Variants in TIAM1 observed in about 807,000 individuals in gnomAD.
The protein encoded by TIAM1 is TIAM Rac1 associated GEF 1, also known as rho guanine nucleotide exchange factor TIAM1.
TIAM1 carries 65 observed loss-of-function variants against 163.5 expected under a neutral mutation model. The observed-to-expected ratio is 0.40, with a 90% CI of 0.33 to 0.49. The LOEUF (loss-of-function observed/expected upper bound fraction) is 0.49. Among genes scored for constraint, TIAM1 ranks in the 20% least tolerant of loss-of-function variants. TIAM1 has a pLI of 0.77. For synonymous variants in TIAM1, 833 were observed against 810.1 expected (o/e 1.03, Z -0.48); for missense variants, 1,789 against 2,044.7 (o/e 0.87, Z 2.41).
rs141777080 is a variant in TIAM1, at chr21:31,535,045, G to A, written c.-422+23882C>T. On this transcript the variant is annotated intron_variant, in intron 1 of 28. Coordinates refer to the TIAM1 transcript ENST00000286827. The stretch of plus-strand genomic sequence containing the variant: ...GTCAAAGCTGCAGTGAGCCATGACT[G>A]TGCCACTGCACTCCAGCCTGGGTGA... Among the ~76,000 whole-genome samples, 93 of 151,546 alleles carry A rather than the reference G, an allele frequency of 6.1e-4. 1 individual carries two copies. Among genetic ancestry groups the A allele is most frequent in the African/African-American group, 2.0e-3 (83 of 41,284 alleles).
intron 1 of TIAM1, among the ~76,000 whole-genome samples, chr21:31,507,399 G>A (rs1453789942): frequency 6.6e-6 from 1 of 150,996 alleles, no homozygotes; most frequent in Non-Finnish European, 1.5e-5. Context: ...TAGAGATGGG[G>A]TTTCACCATG....
intron 2 of TIAM1, among the ~76,000 whole-genome samples, chr21:31,390,260 G>T (rs1050274600): frequency 6.6e-6 from 1 of 152,120 alleles, no homozygotes; most frequent in African/African-American, 2.4e-5. Flanking sequence ...AGAACCTCAG[G>T]ACTCCAACTT....
At chr21:31,356,948 T>A (rs1336937716) in intron 2 of TIAM1, among the ~76,000 whole-genome samples, 2 of 152,222 alleles carry the variant, frequency 1.3e-5, no homozygotes, top group African/African-American at 2.4e-5. Context: ...CAAGAGCCCA[T>A]CTTTAAAAAA....
chr21:31,128,007 A>T (rs1454292388), intron 25 of TIAM1, among the ~76,000 whole-genome samples: 2 of 152,198 alleles, frequency 1.3e-5, no homozygotes, highest in African/African-American at 2.4e-5. Flanking sequence ...GGACAATTTT[A>T]AAATAATTTT....
Position 31,256,676 on chromosome 21 carries a change from T to TA in TIAM1, c.964-4488dup, listed in dbSNP as rs2072128769. Among the ~76,000 whole-genome samples, 4 of 151,384 alleles carry TA rather than the reference T, an allele frequency of 2.6e-5. No homozygotes were observed. In the South Asian group the frequency reaches 8.4e-4, roughly 32 times the overall value. On this transcript the variant is annotated intron_variant, in intron 4 of 27. Coordinates refer to ENST00000541036, the MANE Select transcript of TIAM1 (RefSeq NM_001353694.2). Reference sequence around the variant, plus strand: ...TATTATCTCCTTGGTATTCTCAGTATACTCTCCTTTGATAATCTCAGTACA... The same window carrying TA: ...TATTATCTCCTTGGTATTCTCAGTATAACTCTCCTTTGATAATCTCAGTACA...
Position 31,156,407 on chromosome 21 carries a change from T to C in TIAM1, c.2992-1981A>G, listed in dbSNP as rs532745698. 2.3e-3 allele frequency among the ~76,000 whole-genome samples: 344 copies of C among 152,268 alleles called. 1 individual carries two copies. In the Middle Eastern group the frequency reaches 0.024, roughly 11 times the overall value. On this transcript the variant is annotated intron_variant, in intron 16 of 27. Transcript: ENST00000541036. ...ACCCCACAAACAATTTTCCCTTAGG[T>C]GACTGACTGGAAAAATTGACCAAAA...
chr21:31,481,527 G>A (rs997966545), intron 1 of TIAM1, among the ~76,000 whole-genome samples: 6 of 152,140 alleles, frequency 3.9e-5, no homozygotes, highest in Non-Finnish European at 5.9e-5. Context: ...GCTACAGATG[G>A]AGGGCCCACA....
chr21:31,319,935 C>G (rs1384936417), intron 2 of TIAM1, among the ~76,000 whole-genome samples: 1 of 152,072 alleles, frequency 6.6e-6, no homozygotes, highest in Non-Finnish European at 1.5e-5. Context: ...AAGTGTCTAT[C>G]CAAGTCCTAT....
intron 3 of TIAM1, among the ~76,000 whole-genome samples, 155 bp downstream of exon 3, chr21:31,276,577 T>C (rs772636724): frequency 6.6e-6 from 1 of 152,244 alleles, no homozygotes; most frequent in East Asian, 1.9e-4. Flanking sequence ...AATTGTCAGA[T>C]AGGTGTAACC....
intron 1 of TIAM1, among the ~76,000 whole-genome samples, chr21:31,550,515 T>A (rs987191314): frequency 5.3e-5 from 8 of 152,140 alleles, no homozygotes; most frequent in Admixed American, 1.3e-4. Flanking sequence ...TGTGAATGGG[T>A]ACAGGGTTTC....
chr21:31,222,703 A>C (rs1328333556), intron 8 of TIAM1, among the ~76,000 whole-genome samples: 2 of 43,282 alleles, frequency 4.6e-5, no homozygotes, highest in Non-Finnish European at 7.3e-5. Flanking sequence ...ATATATATAT[A>C]TATATTTTTT....
chr21:31,557,497 G>A (rs148193733), intron 1 of TIAM1, among the ~76,000 whole-genome samples: 10 of 152,318 alleles, frequency 6.6e-5, no homozygotes, highest in African/African-American at 2.4e-4. Context: ...GACACAGGAA[G>A]ATAGAATAGC....
intron 2 of TIAM1, among the ~76,000 whole-genome samples, chr21:31,446,823 A>G (rs2044643080): frequency 6.6e-6 from 1 of 152,252 alleles, no homozygotes; most frequent in Non-Finnish European, 1.5e-5. Flanking sequence ...TGCTAAGCAC[A>G]GAAAAGTTGC....
At chr21:31,496,777 C>T (rs993639602) in intron 1 of TIAM1, among the ~76,000 whole-genome samples, 1 of 152,016 alleles carries the variant, frequency 6.6e-6, no homozygotes, top group African/African-American at 2.4e-5. Flanking sequence ...GCACCCTATA[C>T]GGGTGTAGCA....
chr21:31,166,712 C>T (rs1281307662), intron 15 of TIAM1, among the ~76,000 whole-genome samples: 1 of 152,356 alleles, frequency 6.6e-6, no homozygotes, highest in South Asian at 2.1e-4. Context: ...GTTAACTTGG[C>T]AGATATCATC....
In TIAM1 at chr21:31,266,839, C is replaced by G; in HGVS notation, c.134G>C (p.Gly45Ala). Residue 45 changes from glycine (G) to alanine (A), a missense_variant, in exon 4 of 28, where the codon GGG becomes GCG. Physicochemically the swap from Gly to Ala is moderately conservative, Grantham distance 60 (BLOSUM62 0). Coordinates refer to ENST00000541036, the MANE Select transcript of TIAM1 (RefSeq NM_001353694.2). ...KTRRTRHASS[G>A]KVIHRNSEVS... ...TTCGGAGTTCCTGTGGATCACCTTCCCCGAGGAAGCGTGCCTGGTCCTCCG... is the reference window on the plus strand; with the variant it reads ...TTCGGAGTTCCTGTGGATCACCTTCGCCGAGGAAGCGTGCCTGGTCCTCCG... 6.2e-7 allele frequency: 1 copy of G among 1,614,162 alleles called. No individual in the cohort carries two copies. Among genetic ancestry groups the G allele is most frequent in the South Asian group, 1.1e-5 (1 of 91,088 alleles).
At chr21:31,228,246 A>ATAATCTGATAAGGATTTTTCCTTT (rs1569069014) in intron 6 of TIAM1, among the ~76,000 whole-genome samples, 1 of 137,174 alleles carries the variant, frequency 7.3e-6, no homozygotes, top group African/African-American at 2.8e-5. Flanking sequence ...AAAAAAAAAA[A>ATAATCTGATAAGGATTTTTCCTTT]AAAAAAAAAA....
At chr21:31,324,607 A>T (rs2075424543) in intron 2 of TIAM1, among the ~76,000 whole-genome samples, 1 of 152,186 alleles carries the variant, frequency 6.6e-6, no homozygotes, top group South Asian at 2.1e-4. Flanking sequence ...AGTGATTTTT[A>T]TTCCCACAGT....
intron 15 of TIAM1, among the ~76,000 whole-genome samples, chr21:31,175,203 A>G (rs1182290958): frequency 6.6e-6 from 1 of 152,164 alleles, no homozygotes; most frequent in Admixed American, 6.5e-5. Flanking sequence ...TCAGCCTCCC[A>G]AAGTGGTGGG....
Sources: gnomAD v4.1 joint callset for allele counts (sites outside exome capture counted in the v4.1 genomes callset) on GRCh38, gnomAD v4.1.1 for gene constraint, MANE v1.5 for transcripts, NCBI Gene and HGNC (gene_info 2026-07-23, HGNC 2026-07-21) for gene names.